Variants in ZNF875 observed in about 807,000 individuals in gnomAD.
The protein encoded by ZNF875 is HKR1, GLI-Kruppel zinc finger family member.
ZNF875 carries 14 observed loss-of-function variants against 11.2 expected under a neutral mutation model. That is an observed-to-expected ratio of 1.26 (90% CI 0.83 to 1.96). The LOEUF is 1.96. Ranked by LOEUF, ZNF875 falls within the 30% of genes most tolerant of loss-of-function variation. The probability of loss-of-function intolerance (pLI) is 0.00; values close to 1 mark genes in which losing one functional copy is unlikely to be tolerated. For synonymous variants in ZNF875, 301 were observed against 281.1 expected (o/e 1.07, Z -0.71); for missense variants, 752 against 760.4 (o/e 0.99, Z 0.13).
At chr19:37,329,499 G>C (rs967082025) in intron 4 of ZNF875, among the ~76,000 whole-genome samples, 3 of 152,170 alleles carry the variant, frequency 2.0e-5, no homozygotes, top group Non-Finnish European at 4.4e-5. Context: ...ACTTCACAGT[G>C]TAAGTGCAGT....
intron 4 of ZNF875, among the ~76,000 whole-genome samples, chr19:37,352,019 T>C (rs1391896098): frequency 6.6e-6 from 1 of 152,224 alleles, no homozygotes; most frequent in African/African-American, 2.4e-5. Flanking sequence ...TAACATATCA[T>C]TGTGGATTTG....
intron 4 of ZNF875, among the ~76,000 whole-genome samples, chr19:37,326,391 T>C (rs183155062): frequency 1.2e-3 from 190 of 152,290 alleles, no homozygotes; most frequent in Middle Eastern, 0.01. Flanking sequence ...TCTTCCTGTC[T>C]CTTGTAATCC....
intron 4 of ZNF875, among the ~76,000 whole-genome samples, chr19:37,353,212 A>G (rs1054500010): frequency 6.6e-6 from 1 of 152,130 alleles, no homozygotes; most frequent in African/African-American, 2.4e-5. Context: ...TCAGCTATCT[A>G]GCTATGTATC....
At chr19:37,313,611 C>T (rs1415826692), upstream of ZNF875, among the ~76,000 whole-genome samples, 1 of 152,150 alleles carries the variant, frequency 6.6e-6, no homozygotes, top group East Asian at 1.9e-4. Context: ...ACAGACCCTC[C>T]CCTGTCACCC....
chr19:37,321,186 T>TCCCCCAGC (rs1024356522), intron 1 of ZNF875, among the ~76,000 whole-genome samples: 1 of 151,938 alleles, frequency 6.6e-6, no homozygotes. Flanking sequence ...GACCTGACGT[T>TCCCCCAGC]CCCCCAGCCC....
chr19:37,351,234 T>C (rs1014068589), intron 4 of ZNF875, among the ~76,000 whole-genome samples: 8 of 152,210 alleles, frequency 5.3e-5, no homozygotes, highest in African/African-American at 1.9e-4. Context: ...GTTGGCATAA[T>C]GTTCATAATA....
At chr19:37,361,937 A>C (rs976787841) in intron 4 of ZNF875, 172 bp from the exon 5 acceptor site, 3 of 517,664 alleles carry the variant, frequency 5.8e-6, no homozygotes, top group Admixed American at 8.0e-5. Flanking sequence ...AAAAAACAAA[A>C]GAAAGTGTAA....
Position 37,349,285 on chromosome 19 carries a change from CT to C in ZNF875, c.256+1414del, listed in dbSNP as rs1600122166. On this transcript the variant is annotated intron_variant, in intron 4 of 4. Coordinates refer to ENST00000392153, the MANE Select transcript of ZNF875 (RefSeq NM_001353803.2). ...TCTTTTGAGATATTAGGGGTTTGGA[CT>C]CCAATATGTCATTTTTTGGGGAAAC... is the stretch of plus-strand genomic sequence containing the variant. 2.6e-5 allele frequency among the ~76,000 whole-genome samples: 4 copies of C among 152,290 alleles called. No homozygotes were observed. In the East Asian group the frequency reaches 7.7e-4, roughly 29 times the overall value.
chr19:37,344,669 A>T (rs751221765), intron 2 of ZNF875: 58 of 1,612,348 alleles, frequency 3.6e-5, no homozygotes, highest in Non-Finnish European at 4.9e-5. Flanking sequence ...TCAGTGGGAG[A>T]GATTTGGAGT....
chr19:37,328,517 C>T (rs1453898786), intron 4 of ZNF875: 2 of 152,204 alleles, frequency 1.3e-5, no homozygotes, highest in African/African-American at 4.8e-5. Context: ...GGCTTCCTCC[C>T]TTTCTGTCTT....
chr19:37,339,756 G>C (rs997742088), intron 2 of ZNF875, among the ~76,000 whole-genome samples: 1 of 151,414 alleles, frequency 6.6e-6, no homozygotes, highest in Non-Finnish European at 1.5e-5. Context: ...GTAGAGACAG[G>C]GTTTCACCAT....
chr19:37,329,184 TCCTGGAATC>T (rs2032999683), intron 4 of ZNF875: 1 of 152,200 alleles, frequency 6.6e-6, no homozygotes, highest in South Asian at 2.1e-4. Flanking sequence ...CCCTGGATCC[TCCTGGAATC>T]CCTGATCCCT....
chr19:37,330,290 C>A (rs1304092154), upstream of ZNF875, among the ~76,000 whole-genome samples: 1 of 152,166 alleles, frequency 6.6e-6, no homozygotes, highest in East Asian at 1.9e-4. Context: ...ATCACTTTCA[C>A]TCATCAGCTC....
chr19:37,363,473 A>G lies in ZNF875; in HGVS notation c.1621A>G (p.Arg541Gly), dbSNP rs1377246658. 3 of 1,613,040 alleles carry G rather than the reference A, an allele frequency of 1.9e-6. No homozygotes were observed. In the East Asian group the frequency reaches 6.7e-5, roughly 36 times the overall value. ...EKPFMCRECGRRFRQKPNLFR... is the reference protein window; with the variant it reads ...EKPFMCRECGGRFRQKPNLFR... ...GCCTTTTATGTGCAGGGAGTGTGGC[A>G]GAAGGTTTCGGCAGAAGCCTAACCT... Residue 541 changes from arginine (R) to glycine (G), a missense_variant, in exon 5 of 5, where the codon AGA (arginine) becomes GGA (glycine). By Grantham distance (125) the Arg-to-Gly change is moderately radical. Coordinates refer to ENST00000392153, the MANE Select transcript of ZNF875 (RefSeq NM_001353803.2).
At chr19:37,319,322 A>T (rs1299725125) in intron 1 of ZNF875, among the ~76,000 whole-genome samples, 1 of 124,378 alleles carries the variant, frequency 8.0e-6, no homozygotes, top group African/African-American at 3.4e-5. Flanking sequence ...CTGGGATTAC[A>T]GGTGTGCTCC....
chr19:37,355,432 C>T (rs2038731859), intron 4 of ZNF875, among the ~76,000 whole-genome samples: 1 of 152,198 alleles, frequency 6.6e-6, no homozygotes, highest in Admixed American at 6.5e-5. Context: ...TCATGATCTG[C>T]TCACCTCGGT....
At position 37,363,316 on chromosome 19, in the gene ZNF875, C is replaced by A. The variant is rs749339904; in HGVS notation, c.1464C>A (p.Thr488=). ...FVCTECGRGF[T]RKSTLSTHQR... is the part of the protein sequence containing the mutation. Reference sequence around the variant, plus strand: ...GTACGGAGTGTGGGCGAGGCTTTACCCGGAAATCAACCCTGAGCACGCACC... The same window carrying A: ...GTACGGAGTGTGGGCGAGGCTTTACACGGAAATCAACCCTGAGCACGCACC... Residue 488 remains threonine (T), a synonymous_variant, in exon 5 of 5, where the codon ACC becomes ACA. Transcript: ENST00000392153. 1.2e-6 allele frequency: 2 copies of A among 1,610,222 alleles called. No homozygotes were observed. The highest frequency in any genetic ancestry group is 1.3e-5 in the African/African-American group (1 of 74,714).
rs566164835 is a variant in ZNF875, at chr19:37,342,562, G to A, written c.34-4628G>A. The stretch of plus-strand genomic sequence containing the variant: ...CGAGTAGCTGGGATTACAGGCATGC[G>A]CCACCACACCTGGGTAATTTTGTAT... On this transcript the variant is annotated intron_variant, in intron 2 of 4. Transcript: ENST00000392153. 3.8e-3 allele frequency among the ~76,000 whole-genome samples: 582 copies of A among 152,034 alleles called. 2 individuals are homozygous for A. Among genetic ancestry groups the A allele is most frequent in the African/African-American group, 0.013 (536 of 41,472 alleles).
chr19:37,334,633 C>T (rs2033898932), upstream of ZNF875: 1 of 455,134 alleles, frequency 2.2e-6, no homozygotes, highest in South Asian at 1.6e-5. Flanking sequence ...CAGTGTGTAG[C>T]GTTGACGTCA....
Sources: allele counts gnomAD v4.1 joint callset (sites outside exome capture counted in the v4.1 genomes callset), GRCh38; gene constraint gnomAD v4.1.1; transcripts MANE v1.5; gene names NCBI Gene and HGNC (gene_info 2026-07-23, HGNC 2026-07-21).